DCC: variants seen among roughly 807,000 people sequenced by gnomAD.
DCC encodes DCC netrin 1 receptor.
A neutral mutation model predicts 172.5 loss-of-function variants in DCC; 58 were observed. That is an observed-to-expected ratio of 0.34 (90% CI 0.27 to 0.42). The LOEUF (loss-of-function observed/expected upper bound fraction) is 0.42. Ranked by LOEUF, DCC falls within the 10% of genes least tolerant of loss-of-function variation. The pLI is 1.00. For missense variants in DCC, 1,740 were observed against 1,791.0 expected (o/e 0.97, Z 0.51); for synonymous variants, 709 against 644.5 (o/e 1.10, Z -1.52).
intron 7 of DCC, among the ~76,000 whole-genome samples, chr18:53,142,336 C>T (rs2043843864): frequency 6.6e-6 from 1 of 152,184 alleles, no homozygotes; most frequent in Admixed American, 6.5e-5. Context: ...TTCTTTTCCA[C>T]CCTTTAGAAT....
At chr18:52,670,051 C>T (rs73955767) in intron 1 of DCC, among the ~76,000 whole-genome samples, 2,278 of 152,182 alleles carry the variant, frequency 0.015, 52 homozygotes, top group African/African-American at 0.052. Context: ...AACACTAAGG[C>T]TCTGAGGGAA....
intron 1 of DCC, among the ~76,000 whole-genome samples, chr18:52,643,839 C>T (rs1385866772): frequency 6.6e-6 from 1 of 152,168 alleles, no homozygotes; most frequent in African/African-American, 2.4e-5. Flanking sequence ...GATAAAATGA[C>T]CAACATTTCC....
chr18:52,661,107 A>G (rs1285441613), intron 1 of DCC, among the ~76,000 whole-genome samples: 1 of 152,202 alleles, frequency 6.6e-6, no homozygotes, highest in Non-Finnish European at 1.5e-5. Context: ...AGGTGGATGG[A>G]TAAATAGTAA....
chr18:53,013,913 G>A (rs2041768209), intron 5 of DCC, among the ~76,000 whole-genome samples: 1 of 151,986 alleles, frequency 6.6e-6, no homozygotes. Flanking sequence ...AAGTTTCAAC[G>A]AACACAACAA....
chr18:53,409,139 G>C (rs1430644123), intron 19 of DCC, among the ~76,000 whole-genome samples: 1 of 152,182 alleles, frequency 6.6e-6, no homozygotes, highest in African/African-American at 2.4e-5. Context: ...AAGAAAGGTG[G>C]AATGGTGTGG....
At chr18:53,371,757 A>G (rs1215745895) in intron 15 of DCC, among the ~76,000 whole-genome samples, 1 of 151,958 alleles carries the variant, frequency 6.6e-6, no homozygotes, top group Non-Finnish European at 1.5e-5. Context: ...TATAATTATA[A>G]TGTCCAGAAT....
intron 15 of DCC, among the ~76,000 whole-genome samples, chr18:53,357,860 G>A (rs1461544329): frequency 6.6e-6 from 1 of 152,062 alleles, no homozygotes; most frequent in Admixed American, 6.6e-5. Flanking sequence ...AATTCATATT[G>A]TGTGCTGTAT....
chr18:53,253,695 T>C (rs2056470356), intron 12 of DCC, among the ~76,000 whole-genome samples: 1 of 152,086 alleles, frequency 6.6e-6, no homozygotes. Flanking sequence ...ATGAGCTTTC[T>C]CAAAGCCAGC....
intron 1 of DCC, among the ~76,000 whole-genome samples, chr18:52,369,044 CT>C (rs1032155232): frequency 6.6e-6 from 1 of 152,136 alleles, no homozygotes; most frequent in Non-Finnish European, 1.5e-5. Context: ...AATGGCAAGT[CT>C]TTCTCTTAAG....
At chr18:52,846,007 TCAGTCTAATGTTCTTC>T (rs2038882103) in intron 2 of DCC, among the ~76,000 whole-genome samples, 1 of 152,342 alleles carries the variant, frequency 6.6e-6, no homozygotes, top group East Asian at 1.9e-4. Context: ...TGGGGTTGCC[TCAGTCTAATGTTCTTC>T]CAGTTTTTTG....
At chr18:52,480,501 A>G (rs139392397) in intron 1 of DCC, among the ~76,000 whole-genome samples, 38 of 152,328 alleles carry the variant, frequency 2.5e-4, no homozygotes, top group African/African-American at 9.1e-4. Context: ...CTATCAACAC[A>G]AGTGTCCCAC....
intron 1 of DCC, among the ~76,000 whole-genome samples, chr18:52,708,974 G>A (rs1448525204): frequency 2.0e-5 from 3 of 152,146 alleles, no homozygotes; most frequent in East Asian, 1.9e-4. Context: ...CTGTTAGGAA[G>A]TCAAGTACAG....
At chr18:52,601,732 C>T (rs2034021740) in intron 1 of DCC, among the ~76,000 whole-genome samples, 1 of 151,984 alleles carries the variant, frequency 6.6e-6, no homozygotes, top group African/African-American at 2.4e-5. Flanking sequence ...GATGTAAATA[C>T]TAGTGTTCTT....
chr18:52,701,400 A>G (rs2036120562), intron 1 of DCC, among the ~76,000 whole-genome samples: 1 of 152,230 alleles, frequency 6.6e-6, no homozygotes, highest in African/African-American at 2.4e-5. Context: ...CTATCAGTAC[A>G]CAGAAATACA....
intron 1 of DCC, among the ~76,000 whole-genome samples, chr18:52,718,018 G>A (rs886747306): frequency 6.6e-6 from 1 of 152,150 alleles, no homozygotes; most frequent in Non-Finnish European, 1.5e-5. Flanking sequence ...GACAGCTCAG[G>A]AGATTAGCTG....
chr18:52,637,455 T>C (rs905704222), intron 1 of DCC, among the ~76,000 whole-genome samples: 4 of 151,938 alleles, frequency 2.6e-5, no homozygotes, highest in Middle Eastern at 3.4e-3. Context: ...AGGAAATAGA[T>C]AGCCTAAAGA....
intron 1 of DCC, among the ~76,000 whole-genome samples, chr18:52,454,982 A>G (rs1481447508): frequency 6.6e-6 from 1 of 152,186 alleles, no homozygotes; most frequent in African/African-American, 2.4e-5. Flanking sequence ...ATTGTTTCCA[A>G]TTGCGTTTCA....
intron 12 of DCC, among the ~76,000 whole-genome samples, chr18:53,257,640 A>T (rs2056538212): frequency 6.6e-6 from 1 of 151,934 alleles, no homozygotes; most frequent in Non-Finnish European, 1.5e-5. Context: ...ATTTTTGCAG[A>T]TGTTCATCAG....
chr18:53,242,502 T>C (rs1032531059), intron 12 of DCC, among the ~76,000 whole-genome samples: 1 of 152,182 alleles, frequency 6.6e-6, no homozygotes, highest in Non-Finnish European at 1.5e-5. Context: ...TCAGTGACTA[T>C]ATATTAGATA....
Sources: allele counts gnomAD v4.1 joint callset (sites outside exome capture counted in the v4.1 genomes callset), GRCh38; gene constraint gnomAD v4.1.1; transcripts MANE v1.5; gene names NCBI Gene and HGNC (gene_info 2026-07-23, HGNC 2026-07-21).